CHMP5: variants seen among roughly 807,000 people sequenced by gnomAD.
CHMP5 encodes the protein charged multivesicular body protein 5.
In CHMP5, 17 loss-of-function variants were observed where a neutral mutation model predicts 33.0. That is an observed-to-expected ratio of 0.52 (90% CI 0.35 to 0.77). CHMP5 has a LOEUF of 0.77. Ranked by LOEUF, CHMP5 falls within the 30% of genes least tolerant of loss-of-function variation. CHMP5 has a pLI of 0.01. For missense variants in CHMP5, 216 were observed against 261.5 expected, an observed-to-expected ratio of 0.83 and a Z score of 1.20; for synonymous variants, 76 against 90.2, an observed-to-expected ratio of 0.84 and a Z score of 0.89.
rs1470339865 is a variant in CHMP5 at position 33,265,076 on chromosome 9, A to T, written c.-3A>T. 1 of 1,614,222 alleles carries T rather than the reference A, an allele frequency of 6.2e-7. No homozygotes were observed. The highest frequency in any genetic ancestry group is 2.2e-5 in the East Asian group (1 of 44,884). On this transcript the variant is annotated 5_prime_UTR_variant, in exon 1 of 8. Coordinates refer to ENST00000223500, the MANE Select transcript of CHMP5 (RefSeq NM_016410.6). ...TGTTTGGGTTTCTTCGCGGCTGCTC[A>T]AGATGAACCGACTCTTCGGGAAAGC...
intron 5 of CHMP5, among the ~76,000 whole-genome samples, chr9:33,274,675 G>A (rs1820832200): frequency 6.6e-6 from 1 of 152,080 alleles, no homozygotes; most frequent in Non-Finnish European, 1.5e-5. Flanking sequence ...GAGTGCGGTG[G>A]CGCGATCTCG....
intron 5 of CHMP5, among the ~76,000 whole-genome samples, chr9:33,274,736 C>G (rs570166530): frequency 6.6e-6 from 1 of 152,286 alleles, no homozygotes; most frequent in South Asian, 2.1e-4. Context: ...CTGCCTCAGC[C>G]TCCCGGGTAG....
chr9:33,268,054 T>C (rs894133049), intron 3 of CHMP5, among the ~76,000 whole-genome samples, 155 bp downstream of exon 3: 1 of 152,248 alleles, frequency 6.6e-6, no homozygotes, highest in Non-Finnish European at 1.5e-5. Context: ...TGGGTTGTTA[T>C]CTGTTGTAAC....
chr9:33,269,038 G>A lies in CHMP5; in HGVS notation c.221+1139G>A, dbSNP rs557850946. Among the ~76,000 whole-genome samples the A allele has an allele frequency of 3.9e-5, 6 of 152,084 alleles. No homozygotes were observed. The South Asian group carries it at 1.0e-3, about 26-fold the overall frequency. ...TCTACCATTTGCTTGCACCATGAAC[G>A]GACCATTCTTTTTCTAGTTGGATAG... On this transcript the variant is annotated intron_variant, in intron 3 of 7. Coordinates refer to ENST00000223500, the MANE Select transcript of CHMP5 (RefSeq NM_016410.6).
chr9:33,277,214 A>AG, intron 6 of CHMP5, among the ~76,000 whole-genome samples: 1 of 148,730 alleles, frequency 6.7e-6, no homozygotes, highest in Non-Finnish European at 1.5e-5. Flanking sequence ...AAAAAAAAAA[A>AG]GAATAGTTGG....
rs1374110448 is a variant in CHMP5 at position 33,270,277 on chromosome 9, A to G, written c.222-346A>G. Among the ~76,000 whole-genome samples, 11 of 152,354 alleles carry G rather than the reference A, an allele frequency of 7.2e-5. No homozygotes were observed. The East Asian group carries it at 2.1e-3, about 29-fold the overall frequency. Reference sequence around the variant, plus strand: ...GAGCAAGCAGTAGGCTATATCATATAGCTTAGGTGAATAGTGGGCTATACC... The same window carrying G: ...GAGCAAGCAGTAGGCTATATCATATGGCTTAGGTGAATAGTGGGCTATACC... On this transcript the variant is annotated intron_variant, in intron 3 of 7. Transcript: ENST00000223500.
In CHMP5 at chr9:33,266,102, G is replaced by A; in HGVS notation, c.162G>A (p.Glu54=). 1 of 1,610,946 alleles carries A rather than the reference G, an allele frequency of 6.2e-7. No homozygotes were observed. Among genetic ancestry groups the A allele is most frequent in the Non-Finnish European group, 8.5e-7 (1 of 1,177,484 alleles). ...KYKDQIKKMR[E]GPAKNMVKQK... ...AGGATCAGATCAAGAAGATGAGAGA[G>A]GGTCCTGCAAAGGTAAGGTGGGCAG... The change falls in exon 2 of 8, where the codon GAG becomes GAA. Residue 54 remains glutamate (E), a synonymous_variant. Transcript: ENST00000223500.
chr9:33,270,638 G>C lies in CHMP5; in HGVS notation c.237G>C (p.Arg79=). The C allele has an allele frequency of 6.2e-7, 1 of 1,613,814 alleles. No individual in the cohort carries two copies. Among genetic ancestry groups the C allele is most frequent in the Non-Finnish European group, 8.5e-7 (1 of 1,179,890 alleles). The change falls in exon 4 of 8, where the codon CGG becomes CGC. Residue 79 remains arginine, a synonymous_variant. Transcript: ENST00000223500. ...LKQKRMYEQQ[R]DNLAQQSFNM... is the part of the protein sequence containing the mutation. ...CTCTAAAAAGGTATGAGCAGCAGCG[G>C]GACAATCTTGCCCAACAGTCATTCA...
In CHMP5 at chr9:33,276,533, C is replaced by G. The variant is rs143004113; in HGVS notation, c.465C>G (p.Thr155=). The G allele has an allele frequency of 1.2e-6, 2 of 1,604,438 alleles. No homozygotes were observed. Residue 155 remains threonine, a synonymous_variant, in exon 6 of 8, where the codon ACC becomes ACG. Transcript: ENST00000223500. ...AAGCACTGAGTCGCAGTTATGGCACCCCAGAACTGGATGAAGATGATTTAG... is the reference window on the plus strand; with the variant it reads ...AAGCACTGAGTCGCAGTTATGGCACGCCAGAACTGGATGAAGATGATTTAG... ...IQEALSRSYG[T]PELDEDDLEA...
intron 7 of CHMP5, among the ~76,000 whole-genome samples, chr9:33,279,560 T>C (rs1197968): frequency 0.83 from 125,505 of 152,084 alleles, 51,909 homozygotes; most frequent in Non-Finnish European, 0.84. Flanking sequence ...TTGTTAATTT[T>C]CTAGTAACAA....
At chr9:33,268,491 T>C (rs1820755161) in intron 3 of CHMP5, among the ~76,000 whole-genome samples, 1 of 152,196 alleles carries the variant, frequency 6.6e-6, no homozygotes, top group African/African-American at 2.4e-5. Context: ...TGCAGGGTTA[T>C]AGAGGTCAGG....
chr9:33,276,844 C>G (rs1274902895), intron 6 of CHMP5, among the ~76,000 whole-genome samples: 1 of 152,134 alleles, frequency 6.6e-6, no homozygotes, highest in Non-Finnish European at 1.5e-5. Flanking sequence ...TTGCTGTATT[C>G]CTTTTGATTT....
Position 33,270,655 on chromosome 9 carries a change from A to G in CHMP5, c.254A>G (p.Gln85Arg). 1 of 1,614,194 alleles carries G rather than the reference A, an allele frequency of 6.2e-7. No homozygotes were observed. The highest frequency in any genetic ancestry group is 8.5e-7 in the Non-Finnish European group (1 of 1,180,020). Residue 85 changes from glutamine (Q) to arginine (R), a missense_variant, in exon 4 of 8, where the codon CAG (glutamine) becomes CGG (arginine). Gln to Arg is a conservative substitution (Grantham distance 43). Transcript: ENST00000223500. ...CAGCAGCGGGACAATCTTGCCCAAC[A>G]GTCATTCAACATGGAACAAGCCAAT... is the stretch of plus-strand genomic sequence containing the variant. ...YEQQRDNLAQ[Q>R]SFNMEQANYT... is the part of the protein sequence containing the mutation.
chr9:33,268,023 G>C (rs878883026), intron 3 of CHMP5, 124 bp downstream of exon 3: 5 of 702,816 alleles, frequency 7.1e-6, no homozygotes, highest in African/African-American at 1.8e-5. Context: ...TTTCATTGAC[G>C]TGTAATTAAA....
intron 3 of CHMP5, among the ~76,000 whole-genome samples, chr9:33,269,010 T>G (rs1178359709): frequency 6.6e-6 from 1 of 152,248 alleles, no homozygotes. Context: ...GAGATTATAA[T>G]ATTCTACCAT....
chr9:33,279,410 G>T (rs1003494661), intron 7 of CHMP5, among the ~76,000 whole-genome samples: 3 of 152,034 alleles, frequency 2.0e-5, no homozygotes, highest in African/African-American at 7.3e-5. Flanking sequence ...TCCCTTCTCT[G>T]TTGAGCCTGG....
chr9:33,273,479 C>T (rs1205458895), intron 5 of CHMP5, among the ~76,000 whole-genome samples: 2 of 152,122 alleles, frequency 1.3e-5, no homozygotes, highest in African/African-American at 4.8e-5. Context: ...TTTTCCTGTC[C>T]TCCAATAGAT....
intron 7 of CHMP5, among the ~76,000 whole-genome samples, chr9:33,278,745 G>C (rs1266155093): frequency 2.0e-5 from 3 of 151,806 alleles, no homozygotes; most frequent in Non-Finnish European, 4.4e-5. Context: ...CTAATTTAAG[G>C]CAAAAGAATC....
At chr9:33,273,680 T>C (rs1820821120) in intron 5 of CHMP5, among the ~76,000 whole-genome samples, 1 of 151,948 alleles carries the variant, frequency 6.6e-6, no homozygotes, top group Non-Finnish European at 1.5e-5. Flanking sequence ...GCTTTTTCAG[T>C]TGCTGCATAT....
Sources: allele counts gnomAD v4.1 joint callset (sites outside exome capture counted in the v4.1 genomes callset), GRCh38; gene constraint gnomAD v4.1.1; transcripts MANE v1.5; gene names NCBI Gene and HGNC (gene_info 2026-07-23, HGNC 2026-07-21).